Variants in CHD9 observed in about 807,000 individuals in gnomAD.
The protein encoded by CHD9 is ATP-dependent chromatin remodeler CHD9.
In CHD9, 77 loss-of-function variants were observed where a neutral mutation model predicts 316.1. That is an observed-to-expected ratio of 0.24 (90% CI 0.20 to 0.29). The LOEUF is 0.29. Among genes scored for constraint, CHD9 ranks in the 10% least tolerant of loss-of-function variants. The pLI, the probability that CHD9 is intolerant of heterozygous loss-of-function variation, is 1.00. For synonymous variants in CHD9, 1,129 were observed against 1,158.3 expected (o/e 0.97, Z 0.51); for missense variants, 2,763 against 3,438.1 (o/e 0.80, Z 4.91).
At chr16:53,055,498 C>T (rs1052697707) in intron 1 of CHD9, among the ~76,000 whole-genome samples, 1 of 151,630 alleles carries the variant, frequency 6.6e-6, no homozygotes, top group East Asian at 1.9e-4. Flanking sequence ...ACCCCCGCCC[C>T]CCCCCAGAGA....
At chr16:53,066,027 C>A (rs1434927668) in intron 1 of CHD9, among the ~76,000 whole-genome samples, 1 of 152,118 alleles carries the variant, frequency 6.6e-6, no homozygotes, top group Non-Finnish European at 1.5e-5. Flanking sequence ...TTTGGGGTGG[C>A]TTACTGCATA....
chr16:53,132,793 CTTTTTTTTTTTTTTT>C (rs748626858), intron 1 of CHD9, among the ~76,000 whole-genome samples: 5 of 68,506 alleles, frequency 7.3e-5, no homozygotes, highest in South Asian at 5.5e-4. Context: ...TCTAATTCTG[CTTTTTTTTTTTTTTT>C]TTTTTTTTTT....
chr16:53,254,195 A>G (rs950580733), intron 17 of CHD9, among the ~76,000 whole-genome samples: 1 of 152,234 alleles, frequency 6.6e-6, no homozygotes, highest in African/African-American at 2.4e-5. Flanking sequence ...AACAAAAAAA[A>G]TAGTCCTTTG....
chr16:53,058,964 C>G (rs1287956363), intron 1 of CHD9, among the ~76,000 whole-genome samples: 1 of 152,114 alleles, frequency 6.6e-6, no homozygotes, highest in Non-Finnish European at 1.5e-5. Flanking sequence ...CTCGAGGGAT[C>G]CTCCCACCCA....
chr16:53,168,727 A>G (rs564734565), intron 2 of CHD9: 2 of 152,384 alleles, frequency 1.3e-5, no homozygotes, highest in Admixed American at 1.3e-4. Flanking sequence ...GTACAAGTAT[A>G]AAGAGACTAT....
At chr16:53,271,460 T>C (rs193129468) in intron 22 of CHD9, among the ~76,000 whole-genome samples, 7 of 151,990 alleles carry the variant, frequency 4.6e-5, no homozygotes, top group Admixed American at 1.3e-4. Context: ...TCCCAGCTAC[T>C]TGGGATGCTG....
At chr16:53,302,112 T>A (rs2055498807) in intron 30 of CHD9, among the ~76,000 whole-genome samples, 1 of 152,206 alleles carries the variant, frequency 6.6e-6, no homozygotes, top group African/African-American at 2.4e-5. Context: ...AGTATAATTA[T>A]CAAAACAAGA....
chr16:53,314,153 G>A (rs1441942078), intron 34 of CHD9, among the ~76,000 whole-genome samples: 1 of 151,694 alleles, frequency 6.6e-6, no homozygotes. Context: ...TGTGAATATC[G>A]GGAAAAAAAA....
chr16:53,131,550 G>A (rs546176825), intron 1 of CHD9, among the ~76,000 whole-genome samples: 1 of 151,168 alleles, frequency 6.6e-6, no homozygotes, highest in African/African-American at 2.4e-5. Flanking sequence ...ACAGCCCCCG[G>A]GGTCGGGACA....
chr16:53,167,702 A>G (rs1462919211), intron 2 of CHD9, among the ~76,000 whole-genome samples: 2 of 152,072 alleles, frequency 1.3e-5, no homozygotes, highest in African/African-American at 4.8e-5. Flanking sequence ...TATATCATAT[A>G]TACATATCAT....
At chr16:53,310,448 G>C (rs1265764785) in intron 34 of CHD9, among the ~76,000 whole-genome samples, 1 of 152,156 alleles carries the variant, frequency 6.6e-6, no homozygotes, top group Non-Finnish European at 1.5e-5. Flanking sequence ...TGTAAAGTGA[G>C]ATTGATACTT....
chr16:53,139,919 G>A (rs150246607), intron 1 of CHD9, among the ~76,000 whole-genome samples: 267 of 147,864 alleles, frequency 1.8e-3, no homozygotes, highest in Non-Finnish European at 2.9e-3. Context: ...ACAACATGGC[G>A]AAACCCTGGC....
intron 2 of CHD9, among the ~76,000 whole-genome samples, chr16:53,184,744 C>T (rs2043837017): frequency 6.6e-6 from 1 of 152,186 alleles, no homozygotes; most frequent in Non-Finnish European, 1.5e-5. Context: ...TTATAGTTCT[C>T]ATAATCCCCA....
chr16:53,323,098 G>A (rs1598028741), intron 38 of CHD9, among the ~76,000 whole-genome samples: 1 of 152,244 alleles, frequency 6.6e-6, no homozygotes, highest in Admixed American at 6.5e-5. Flanking sequence ...GGCACATGTG[G>A]CTGTTGAGCA....
chr16:53,065,947 C>T (rs1405505725), intron 1 of CHD9, among the ~76,000 whole-genome samples: 1 of 152,142 alleles, frequency 6.6e-6, no homozygotes, highest in East Asian at 1.9e-4. Flanking sequence ...CTGTCCTGTC[C>T]TTAAGGACTT....
At chr16:53,059,786 T>C (rs1036600767) in intron 1 of CHD9, among the ~76,000 whole-genome samples, 2 of 152,224 alleles carry the variant, frequency 1.3e-5, no homozygotes, top group African/African-American at 2.4e-5. Context: ...GCAACTGCAG[T>C]AAATTCTCAA....
intron 1 of CHD9, among the ~76,000 whole-genome samples, chr16:53,098,660 G>A (rs1303571347): frequency 6.6e-6 from 1 of 152,080 alleles, no homozygotes; most frequent in Non-Finnish European, 1.5e-5. Flanking sequence ...CAATCAACGC[G>A]AGGCAGGAGG....
At chr16:53,091,004 C>CCT (rs1555481463) in intron 1 of CHD9, among the ~76,000 whole-genome samples, 1 of 145,006 alleles carries the variant, frequency 6.9e-6, no homozygotes, top group Non-Finnish European at 1.5e-5. Flanking sequence ...ACAGCTCACC[C>CCT]CCCCCCGACT....
intron 2 of CHD9, among the ~76,000 whole-genome samples, chr16:53,162,293 C>T (rs1438740805): frequency 6.6e-6 from 1 of 152,136 alleles, no homozygotes; most frequent in Non-Finnish European, 1.5e-5. Flanking sequence ...AAGTGAGAAG[C>T]TATAGCAAGT....
Sources: allele counts gnomAD v4.1 joint callset (sites outside exome capture counted in the v4.1 genomes callset), GRCh38; gene constraint gnomAD v4.1.1; transcripts MANE v1.5; gene names NCBI Gene and HGNC (gene_info 2026-07-23, HGNC 2026-07-21).